The following ADCY9 variants were observed in gnomAD, a reference collection of about 807,000 sequenced individuals.
ADCY9 encodes the protein adenylate cyclase 9.
ADCY9 carries 50 observed loss-of-function variants against 101.5 expected under a neutral mutation model. The ratio of observed to expected loss-of-function variants is 0.49; its 90% confidence interval spans 0.39 to 0.62. The LOEUF is 0.62. Ranked by LOEUF, ADCY9 falls within the 20% of genes least tolerant of loss-of-function variation. The probability of loss-of-function intolerance (pLI) is 0.00; values close to 1 mark genes in which losing one functional copy is unlikely to be tolerated. For missense variants in ADCY9, 1,662 were observed against 1,800.4 expected (o/e 0.92, Z 1.39); for synonymous variants, 905 against 769.3 (o/e 1.18, Z -2.92).
intron 2 of ADCY9, among the ~76,000 whole-genome samples, chr16:4,097,558 T>TATATATATATATATATATATATACA (rs1460628544): frequency 1.1e-5 from 1 of 92,458 alleles, no homozygotes; most frequent in African/African-American, 5.3e-5. Flanking sequence ...TATATATTTT[T>TATATATATATATATATATATATACA]TTTTTTTTTT....
intron 2 of ADCY9, among the ~76,000 whole-genome samples, chr16:4,072,006 T>G (rs2056837722): frequency 6.6e-6 from 1 of 152,142 alleles, no homozygotes; most frequent in Non-Finnish European, 1.5e-5. Context: ...ACTATCCGAG[T>G]GATCGATGTT....
At chr16:4,040,340 T>C (rs1015233581) in intron 2 of ADCY9, among the ~76,000 whole-genome samples, 7 of 152,182 alleles carry the variant, frequency 4.6e-5, no homozygotes, top group Non-Finnish European at 8.8e-5. Flanking sequence ...TTTTACTTAA[T>C]CAAGAAAGCT....
At chr16:4,053,040 T>C (rs886218099) in intron 2 of ADCY9, among the ~76,000 whole-genome samples, 2 of 152,212 alleles carry the variant, frequency 1.3e-5, no homozygotes, top group Non-Finnish European at 2.9e-5. Flanking sequence ...TGAGAGCCTA[T>C]TACATGCGTG....
At chr16:4,081,590 C>A (rs2141179549) in intron 2 of ADCY9, among the ~76,000 whole-genome samples, 1 of 152,320 alleles carries the variant, frequency 6.6e-6, no homozygotes, top group South Asian at 2.1e-4. Flanking sequence ...GCTCGAAAGC[C>A]TTCGAGAGTG....
At chr16:4,089,039 T>A (rs896835463) in intron 2 of ADCY9, among the ~76,000 whole-genome samples, 4 of 152,080 alleles carry the variant, frequency 2.6e-5, no homozygotes, top group African/African-American at 9.6e-5. Context: ...TGGATTTGCC[T>A]GTAGTTCTAG....
intron 4 of ADCY9, 93 bp downstream of exon 4, chr16:3,993,313 C>T (rs1358345404): frequency 6.4e-7 from 1 of 1,561,148 alleles, no homozygotes; most frequent in Non-Finnish European, 8.7e-7. Context: ...AGGAGTTACT[C>T]TCAGAACTAA....
chr16:3,965,749 A>G lies in ADCY9; in HGVS notation c.*26T>C. ...ATTACTGTGTTTCGACAAACAGAGCACCTCGGGCAGCGGGTGGGCGCCGCC... is the reference window on the plus strand; with the variant it reads ...ATTACTGTGTTTCGACAAACAGAGCGCCTCGGGCAGCGGGTGGGCGCCGCC... On this transcript the variant is annotated 3_prime_UTR_variant, in exon 11 of 11. Coordinates refer to ENST00000294016, the MANE Select transcript of ADCY9 (RefSeq NM_001116.4). 6.3e-7 allele frequency: 1 copy of G among 1,585,948 alleles called. No individual in the cohort carries two copies. The highest frequency in any genetic ancestry group is 8.6e-7 in the Non-Finnish European group (1 of 1,163,408).
chr16:4,036,970 C>G (rs2429376), intron 2 of ADCY9, among the ~76,000 whole-genome samples: 103,528 of 151,800 alleles, frequency 0.68, 37,133 homozygotes, highest in East Asian at 0.93. Flanking sequence ...AACCTTTTAG[C>G]TCCCACATAT....
intron 2 of ADCY9, among the ~76,000 whole-genome samples, chr16:4,039,363 G>A (rs184104942): frequency 1.3e-3 from 198 of 152,092 alleles, no homozygotes; most frequent in African/African-American, 4.6e-3. Context: ...GTGTTCCAAC[G>A]ACACTTTAAA....
At chr16:4,046,406 A>G (rs570672906) in intron 2 of ADCY9, among the ~76,000 whole-genome samples, 75 of 152,276 alleles carry the variant, frequency 4.9e-4, no homozygotes, top group African/African-American at 1.7e-3. Flanking sequence ...AGCTTTGTAA[A>G]TAAGGAAAAA....
At chr16:3,993,343 T>C in intron 4 of ADCY9, 63 bp downstream of exon 4, 1 of 1,595,650 alleles carries the variant, frequency 6.3e-7, no homozygotes, top group South Asian at 1.1e-5. Context: ...AAGACAGGAA[T>C]GTCACCTTGG....
intron 2 of ADCY9, among the ~76,000 whole-genome samples, chr16:4,094,888 C>T (rs533162742): frequency 4.6e-4 from 70 of 151,968 alleles, no homozygotes; most frequent in Non-Finnish European, 9.6e-4. Context: ...CCAAATGATC[C>T]ACATCAGGGA....
At position 3,956,503 on chromosome 16, in the gene ADCY9, T is replaced by TTTTTTTTTTTTTGGG. The variant is rs55792938; in HGVS notation, c.568-2988_568-2987insCCCAAAAAAAAAAAA. On this transcript the variant is annotated intron_variant, in intron 5 of 5. Coordinates refer to the ADCY9 transcript ENST00000576936. Reference sequence around the variant, plus strand: ...GCGCAATGAGCTTTTTTTTTTTTTTTGGGGGGGGATGGAGTCTCCCTCTGT... The same window carrying TTTTTTTTTTTTTGGG: ...GCGCAATGAGCTTTTTTTTTTTTTTTTTTTTTTTTTTTGGGGGGGGGGGATGGAGTCTCCCTCTGT... 1.5e-3 allele frequency among the ~76,000 whole-genome samples: 101 copies of TTTTTTTTTTTTTGGG among 69,572 alleles called. 7 individuals are homozygous for TTTTTTTTTTTTTGGG. Among genetic ancestry groups the TTTTTTTTTTTTTGGG allele is most frequent in the African/African-American group, 3.9e-3 (97 of 24,764 alleles). The allele number at this position is 69,572 out of a possible 152,430, so 45.6% of individuals were successfully genotyped here. A position where few individuals can be genotyped will look rare whatever the true frequency, so the allele number is the denominator to read the frequency against.
intron 2 of ADCY9, among the ~76,000 whole-genome samples, chr16:4,053,426 G>A (rs983009153): frequency 1.3e-5 from 2 of 151,518 alleles, no homozygotes; most frequent in African/African-American, 4.8e-5. Flanking sequence ...TTTGAGAAGA[G>A]CTCTCGACGG....
chr16:3,981,612 G>C, intron 7 of ADCY9, among the ~76,000 whole-genome samples: 1 of 151,026 alleles, frequency 6.6e-6, no homozygotes, highest in East Asian at 1.9e-4. Context: ...TTTCTTTTTT[G>C]AGATGGAGTT....
At chr16:4,109,896 T>A (rs1161489542) in intron 2 of ADCY9, among the ~76,000 whole-genome samples, 4 of 151,972 alleles carry the variant, frequency 2.6e-5, no homozygotes, top group Non-Finnish European at 5.9e-5. Flanking sequence ...ACCTATGGGG[T>A]CAAATGCAAA....
chr16:4,073,065 T>C (rs1270207035), intron 2 of ADCY9, among the ~76,000 whole-genome samples: 1 of 151,910 alleles, frequency 6.6e-6, no homozygotes, highest in African/African-American at 2.4e-5. Context: ...TGAGTGTCTC[T>C]TGGATCTCCT....
chr16:4,059,222 CTAAAAAATACAAAAA>C (rs1349832824), intron 2 of ADCY9, among the ~76,000 whole-genome samples: 4 of 151,442 alleles, frequency 2.6e-5, no homozygotes, highest in African/African-American at 9.7e-5. Context: ...TCCATCTCTA[CTAAAAAATACAAAAA>C]TTAGCTGGTG....
At chr16:4,061,291 T>A (rs577838548) in intron 2 of ADCY9, among the ~76,000 whole-genome samples, 3 of 151,834 alleles carry the variant, frequency 2.0e-5, no homozygotes, top group Non-Finnish European at 4.4e-5. Flanking sequence ...CAGAAAAAAT[T>A]TTTTGAAAAA....
Sources: allele counts gnomAD v4.1 joint callset (sites outside exome capture counted in the v4.1 genomes callset), GRCh38; gene constraint gnomAD v4.1.1; transcripts MANE v1.5; gene names NCBI Gene and HGNC (gene_info 2026-07-23, HGNC 2026-07-21).